Variants in SUSD4 observed in about 807,000 individuals in gnomAD.
SUSD4 encodes the protein sushi domain containing 4, also known as sushi domain-containing protein 4.
Under a neutral mutation model 50.5 loss-of-function variants are expected in SUSD4, and 41 were observed. The ratio of observed to expected loss-of-function variants is 0.81; its 90% confidence interval spans 0.63 to 1.05. The LOEUF (loss-of-function observed/expected upper bound fraction) is 1.05. Among genes scored for constraint, SUSD4 ranks in the 50% least tolerant of loss-of-function variants. SUSD4 has a pLI of 0.00. For missense variants in SUSD4, 580 were observed against 634.7 expected, an observed-to-expected ratio of 0.91 and a Z score of 0.93; for synonymous variants, 257 against 257.3, an observed-to-expected ratio of 1.00 and a Z score of 0.01.
At chr1:223,237,544 G>GT (rs889257183) in intron 5 of SUSD4, among the ~76,000 whole-genome samples, 11 of 151,272 alleles carry the variant, frequency 7.3e-5, no homozygotes, top group East Asian at 1.9e-4. Context: ...TTTACTGGGA[G>GT]TTTTTTTTTA....
At chr1:223,259,995 G>A (rs1408910014) in intron 5 of SUSD4, among the ~76,000 whole-genome samples, 1 of 152,114 alleles carries the variant, frequency 6.6e-6, no homozygotes, top group Non-Finnish European at 1.5e-5. Context: ...CTCAAGTGGA[G>A]ACAGAAAAGA....
At chr1:223,292,772 C>T (rs1558222550) in intron 2 of SUSD4, 121 bp from the exon 3 acceptor site, 1 of 989,734 alleles carries the variant, frequency 1.0e-6, no homozygotes, top group East Asian at 2.6e-5. Flanking sequence ...AGTTACCCCA[C>T]CACCAAAGCC....
chr1:223,331,888 T>C (rs897018943), intron 2 of SUSD4, among the ~76,000 whole-genome samples: 1 of 152,206 alleles, frequency 6.6e-6, no homozygotes, highest in Non-Finnish European at 1.5e-5. Context: ...AATGATGAAA[T>C]GTCCAGGTTG....
Position 223,268,720 on chromosome 1 carries a change from C to T in SUSD4, c.362-45G>A, listed in dbSNP as rs3738594. 4.6e-3 allele frequency: 7,246 copies of T among 1,580,598 alleles called. 303 individuals are homozygous for T. The East Asian group carries it at 0.093, about 20-fold the overall frequency. On this transcript the variant is annotated intron_variant, in intron 3 of 8. Transcript: ENST00000366878. ...ACACATTATTTTTGGAATTTTAAAA[C>T]GGTTGTGGTTCACAGCTTCACGAGA...
rs76144243 is a variant in SUSD4, at chr1:223,267,216, A to G, written c.535+1286T>C. 7.7e-3 allele frequency among the ~76,000 whole-genome samples: 1,174 copies of G among 152,302 alleles called. 15 individuals carry two copies. Among genetic ancestry groups the G allele is most frequent in the African/African-American group, 0.026 (1,072 of 41,558 alleles). On this transcript the variant is annotated intron_variant, in intron 4 of 8. Transcript: ENST00000366878. ...ATGACACTTTGAGAGGCACACCAAC[A>G]CAGGGTATTTCTTTTTCTAATCACT... is the stretch of plus-strand genomic sequence containing the variant.
At chr1:223,335,693 T>C (rs1203386622) in intron 2 of SUSD4, among the ~76,000 whole-genome samples, 1 of 152,084 alleles carries the variant, frequency 6.6e-6, no homozygotes, top group Non-Finnish European at 1.5e-5. Flanking sequence ...GGGCATAATC[T>C]AAGAAATGAG....
At chr1:223,317,208 G>C (rs1004358942) in intron 2 of SUSD4, among the ~76,000 whole-genome samples, 3 of 152,158 alleles carry the variant, frequency 2.0e-5, no homozygotes, top group African/African-American at 7.2e-5. Flanking sequence ...CCAAAACCAA[G>C]ATGACGACAA....
In SUSD4 at chr1:223,227,883, A is replaced by C; in HGVS notation, c.917-145T>G. The C allele has an allele frequency of 9.6e-7, 1 of 1,041,504 alleles. No individual in the cohort carries two copies. The highest frequency in any genetic ancestry group is 2.6e-5 in the East Asian group (1 of 37,826). The allele number at this position is 1,041,504 out of a possible 1,614,324, so 64.5% of individuals were successfully genotyped here. A position where few individuals can be genotyped will look rare whatever the true frequency, so the allele number is the denominator to read the frequency against. On this transcript the variant is annotated intron_variant, in intron 6 of 8. Transcript: ENST00000366878. The surrounding 1 kb of genome is among the most constrained non-coding windows in gnomAD (Gnocchi z 4.5). ...ACCCCCAGGGCTCGGCAGAGATACC[A>C]TGTGCCCCTGTAGCTCATGTAAATT...
chr1:223,352,531 G>C (rs1378049763), intron 2 of SUSD4, among the ~76,000 whole-genome samples: 1 of 152,130 alleles, frequency 6.6e-6, no homozygotes, highest in Admixed American at 6.5e-5. Flanking sequence ...GGAAGGTCTG[G>C]GGCCGAGAAG....
intron 5 of SUSD4, among the ~76,000 whole-genome samples, chr1:223,242,328 T>C (rs907831946): frequency 6.6e-6 from 1 of 152,218 alleles, no homozygotes; most frequent in Non-Finnish European, 1.5e-5. Context: ...GCAGAGCCTC[T>C]CCAGTGTTGT....
rs369157126 is a variant in SUSD4, at chr1:223,267,177, T to C, written c.535+1325A>G. On this transcript the variant is annotated intron_variant, in intron 4 of 8. Transcript: ENST00000366878. ...AGAAAGAGCAGCAGGAAAGCCTGGG[T>C]CTAAAGCCTCAAAATGACACTTTGA... Among the ~76,000 whole-genome samples the C allele has an allele frequency of 3.9e-5, 6 of 152,238 alleles. No individual in the cohort carries two copies. The South Asian group carries it at 1.2e-3, about 32-fold the overall frequency.
At chr1:223,315,641 C>T (rs1287907933) in intron 2 of SUSD4, among the ~76,000 whole-genome samples, 1 of 152,204 alleles carries the variant, frequency 6.6e-6, no homozygotes, top group East Asian at 1.9e-4. Context: ...TTCTTTATCG[C>T]ATTGCCGTGG....
At chr1:223,301,574 TC>T (rs1297107471) in intron 2 of SUSD4, among the ~76,000 whole-genome samples, 1 of 152,148 alleles carries the variant, frequency 6.6e-6, no homozygotes, top group Non-Finnish European at 1.5e-5. Flanking sequence ...CCCCCTTACT[TC>T]TAAACATTCT....
At chr1:223,248,295 T>C (rs1044469368) in intron 5 of SUSD4, among the ~76,000 whole-genome samples, 1 of 152,220 alleles carries the variant, frequency 6.6e-6, no homozygotes, top group Non-Finnish European at 1.5e-5. Flanking sequence ...CAGCCCAGCA[T>C]GTTGTCTATG....
intron 5 of SUSD4, among the ~76,000 whole-genome samples, chr1:223,247,059 G>A (rs891168698): frequency 1.3e-5 from 2 of 152,166 alleles, no homozygotes; most frequent in African/African-American, 4.8e-5. Flanking sequence ...CTTTGACTGA[G>A]TATTTTCATT....
chr1:223,253,772 A>C (rs943917811), intron 5 of SUSD4, among the ~76,000 whole-genome samples: 5 of 152,208 alleles, frequency 3.3e-5, no homozygotes, highest in African/African-American at 1.2e-4. Flanking sequence ...AGGGATAGAG[A>C]AGATACTCTA....
intron 2 of SUSD4, among the ~76,000 whole-genome samples, chr1:223,313,289 A>T (rs890765369): frequency 2.6e-5 from 4 of 152,134 alleles, no homozygotes; most frequent in Admixed American, 6.5e-5. Context: ...TGAGTTAATC[A>T]ATCATGCCTA....
At chr1:223,293,194 G>T (rs986256808) in intron 2 of SUSD4, among the ~76,000 whole-genome samples, 2 of 152,112 alleles carry the variant, frequency 1.3e-5, no homozygotes, top group African/African-American at 4.8e-5. Context: ...TGGTAGGGGT[G>T]GCTGGGAATG....
chr1:223,327,784 G>A (rs2103263351), intron 2 of SUSD4, among the ~76,000 whole-genome samples: 1 of 152,306 alleles, frequency 6.6e-6, no homozygotes, highest in South Asian at 2.1e-4. Flanking sequence ...GGTGCCATCT[G>A]CCTAACCCTA....
Sources: allele counts gnomAD v4.1 joint callset (sites outside exome capture counted in the v4.1 genomes callset), GRCh38; gene constraint gnomAD v4.1.1; non-coding constraint Gnocchi (gnomAD v3.1); transcripts MANE v1.5; gene names NCBI Gene and HGNC (gene_info 2026-07-23, HGNC 2026-07-21).